Variants in CFAP299 observed in about 807,000 individuals in gnomAD.
The protein encoded by CFAP299 is cilia- and flagella-associated protein 299.
Under a neutral mutation model 27.0 loss-of-function variants are expected in CFAP299, and 21 were observed. The ratio of observed to expected loss-of-function variants is 0.78; its 90% confidence interval spans 0.55 to 1.12. The LOEUF (loss-of-function observed/expected upper bound fraction) is 1.12. Ranked by LOEUF, CFAP299 falls within the 50% of genes most tolerant of loss-of-function variation. The pLI, the probability that CFAP299 is intolerant of heterozygous loss-of-function variation, is 0.00. For synonymous variants in CFAP299, 104 were observed against 98.1 expected (o/e 1.06, Z -0.36); for missense variants, 310 against 276.6 (o/e 1.12, Z -0.86).
intron 3 of CFAP299, among the ~76,000 whole-genome samples, chr4:80,853,627 A>T (rs1731653356): frequency 6.6e-6 from 1 of 152,180 alleles, no homozygotes; most frequent in Non-Finnish European, 1.5e-5. Flanking sequence ...GCTGGAGTAG[A>T]ATAAGTTATA....
intron 5 of CFAP299, among the ~76,000 whole-genome samples, chr4:80,947,710 G>C (rs1176104446): frequency 2.6e-5 from 4 of 151,984 alleles, no homozygotes; most frequent in African/African-American, 9.7e-5. Flanking sequence ...AAAACATCAG[G>C]CATTCTGTTC....
chr4:80,689,103 G>T (rs1720453440), intron 3 of CFAP299, among the ~76,000 whole-genome samples: 1 of 152,112 alleles, frequency 6.6e-6, no homozygotes, highest in African/African-American at 2.4e-5. Context: ...ATGGAACCAA[G>T]TTGGAAAGCA....
intron 2 of CFAP299, among the ~76,000 whole-genome samples, chr4:80,444,626 C>T (rs184359841): frequency 6.6e-6 from 1 of 152,166 alleles, no homozygotes; most frequent in Admixed American, 6.5e-5. Flanking sequence ...TGGGCAAAGA[C>T]TTCATGACTA....
intron 2 of CFAP299, among the ~76,000 whole-genome samples, chr4:80,540,135 T>C (rs1211980877): frequency 1.7e-4 from 26 of 152,230 alleles, no homozygotes; most frequent in Admixed American, 1.7e-3. Flanking sequence ...TCTAGCTTTC[T>C]GGCCTTCTTG....
At chr4:80,474,546 C>T (rs1344956326) in intron 2 of CFAP299, among the ~76,000 whole-genome samples, 1 of 152,184 alleles carries the variant, frequency 6.6e-6, no homozygotes, top group Admixed American at 6.5e-5. Flanking sequence ...TCTCCCCATT[C>T]AGATACTTTG....
At chr4:80,473,167 C>T (rs1413973442) in intron 2 of CFAP299, among the ~76,000 whole-genome samples, 4 of 152,034 alleles carry the variant, frequency 2.6e-5, no homozygotes, top group Non-Finnish European at 4.4e-5. Context: ...AGAGGAGGCA[C>T]CCCTAACTCA....
At chr4:80,460,769 G>A (rs1004283489) in intron 2 of CFAP299, among the ~76,000 whole-genome samples, 2 of 152,030 alleles carry the variant, frequency 1.3e-5, no homozygotes, top group Non-Finnish European at 1.5e-5. Context: ...AAATTCACAC[G>A]ATTATGTGGA....
chr4:80,684,857 A>G (rs184565415), intron 3 of CFAP299, among the ~76,000 whole-genome samples: 25 of 152,234 alleles, frequency 1.6e-4, no homozygotes, highest in African/African-American at 5.8e-4. Flanking sequence ...TCTCAAAATG[A>G]TGTATCTCTG....
At chr4:80,459,371 G>A (rs1729327242) in intron 2 of CFAP299, among the ~76,000 whole-genome samples, 1 of 152,120 alleles carries the variant, frequency 6.6e-6, no homozygotes, top group African/African-American at 2.4e-5. Flanking sequence ...GAAGAATCAG[G>A]GGAGAAGGGA....
In CFAP299 at chr4:80,809,376, A is replaced by C. The variant is rs532606622; in HGVS notation, c.334-60617A>C. ...CAAAAGGTGAAACTTTTAAGTAAGT[A>C]AATTTTCCACAGAATAAACCATGCA... On this transcript the variant is annotated intron_variant, in intron 3 of 5. Coordinates refer to ENST00000358105, the MANE Select transcript of CFAP299 (RefSeq NM_152770.3). Among the ~76,000 whole-genome samples the C allele has an allele frequency of 5.3e-5, 8 of 152,300 alleles. No homozygotes were observed. In the South Asian group the frequency reaches 1.7e-3, roughly 32 times the overall value.
At chr4:80,573,768 G>T (rs1735712863) in intron 2 of CFAP299, among the ~76,000 whole-genome samples, 1 of 151,988 alleles carries the variant, frequency 6.6e-6, no homozygotes, top group African/African-American at 2.4e-5. Context: ...GAATGCACTT[G>T]TGGTGTATGA....
chr4:80,771,644 G>T (rs1032947511), intron 3 of CFAP299, among the ~76,000 whole-genome samples: 3 of 152,070 alleles, frequency 2.0e-5, no homozygotes, highest in Admixed American at 1.3e-4. Context: ...TGATGTGATG[G>T]CCCCTAGGTA....
intron 2 of CFAP299, among the ~76,000 whole-genome samples, chr4:80,454,400 T>C (rs959229206): frequency 6.6e-6 from 1 of 152,188 alleles, no homozygotes; most frequent in Non-Finnish European, 1.5e-5. Context: ...TCAGATAAAG[T>C]GACTGCCTGG....
At chr4:80,811,029 A>G (rs1345402243) in intron 3 of CFAP299, among the ~76,000 whole-genome samples, 2 of 151,980 alleles carry the variant, frequency 1.3e-5, no homozygotes, top group Non-Finnish European at 2.9e-5. Context: ...TGAAGACTTG[A>G]CCCTACACAG....
At chr4:80,678,374 C>T (rs1208786316) in intron 3 of CFAP299, among the ~76,000 whole-genome samples, 1 of 151,992 alleles carries the variant, frequency 6.6e-6, no homozygotes, top group Non-Finnish European at 1.5e-5. Context: ...TTTTTTCCAT[C>T]ACAAACTAGC....
At chr4:80,706,940 C>G (rs1721855345) in intron 3 of CFAP299, among the ~76,000 whole-genome samples, 1 of 151,960 alleles carries the variant, frequency 6.6e-6, no homozygotes, top group Admixed American at 6.6e-5. Flanking sequence ...TACCGCCCCT[C>G]TCCCCACAAA....
intron 2 of CFAP299, among the ~76,000 whole-genome samples, chr4:80,506,011 T>TG: frequency 7.0e-6 from 1 of 143,470 alleles, no homozygotes; most frequent in African/African-American, 2.6e-5. Context: ...TAAATATATA[T>TG]AAATATATAT....
chr4:80,602,164 C>T (rs1373820416), intron 3 of CFAP299, among the ~76,000 whole-genome samples: 1 of 151,852 alleles, frequency 6.6e-6, no homozygotes, highest in African/African-American at 2.4e-5. Flanking sequence ...ATGCCCATGA[C>T]ACAAATTTAC....
chr4:80,570,346 G>A (rs927367155), intron 2 of CFAP299, among the ~76,000 whole-genome samples: 11 of 151,766 alleles, frequency 7.2e-5, no homozygotes, highest in African/African-American at 2.7e-4. Flanking sequence ...TACAAACTAC[G>A]TGTGAAATAA....
Sources: gnomAD v4.1 joint callset for allele counts (sites outside exome capture counted in the v4.1 genomes callset) on GRCh38, gnomAD v4.1.1 for gene constraint, MANE v1.5 for transcripts, NCBI Gene and HGNC (gene_info 2026-07-23, HGNC 2026-07-21) for gene names.